Variants in AGBL4 observed in about 807,000 individuals in gnomAD.
AGBL4 encodes the protein cytosolic carboxypeptidase 6.
In AGBL4, 58 loss-of-function variants were observed where a neutral mutation model predicts 66.4. The ratio of observed to expected loss-of-function variants is 0.87; its 90% confidence interval spans 0.71 to 1.09. The LOEUF (loss-of-function observed/expected upper bound fraction) is 1.09. Among genes scored for constraint, AGBL4 ranks in the 50% least tolerant of loss-of-function variants. The pLI is 0.00. For missense variants in AGBL4, 579 were observed against 631.0 expected (o/e 0.92, Z 0.88); for synonymous variants, 234 against 222.9 (o/e 1.05, Z -0.44).
intron 4 of AGBL4, among the ~76,000 whole-genome samples, chr1:49,096,561 C>A (rs1645107350): frequency 6.6e-6 from 1 of 151,372 alleles, no homozygotes; most frequent in African/African-American, 2.4e-5. Context: ...AAGCTGGAAA[C>A]CATCATTCTC....
chr1:48,707,582 A>T (rs527560967), intron 6 of AGBL4, among the ~76,000 whole-genome samples: 13 of 152,252 alleles, frequency 8.5e-5, no homozygotes, highest in African/African-American at 2.9e-4. Flanking sequence ...GAATTATAAA[A>T]CCACCAGTGA....
At chr1:48,854,995 G>A (rs114308493) in intron 6 of AGBL4, among the ~76,000 whole-genome samples, 2,954 of 152,316 alleles carry the variant, frequency 0.019, 43 homozygotes, top group Middle Eastern at 0.054. Flanking sequence ...TCATTTACAA[G>A]AACCAATGAG....
chr1:49,977,191 G>A (rs995858873), intron 1 of AGBL4, among the ~76,000 whole-genome samples: 2 of 149,610 alleles, frequency 1.3e-5, no homozygotes, highest in Non-Finnish European at 3.0e-5. Flanking sequence ...TCTTCCATGG[G>A]CTTCACCTCC....
chr1:49,660,737 G>A (rs1400914232), intron 3 of AGBL4, among the ~76,000 whole-genome samples: 3 of 152,148 alleles, frequency 2.0e-5, no homozygotes, highest in Admixed American at 6.5e-5. Flanking sequence ...TAAAGAAAAT[G>A]TGGTGCATAT....
chr1:49,734,282 G>A (rs1649688661), intron 2 of AGBL4, among the ~76,000 whole-genome samples: 1 of 151,758 alleles, frequency 6.6e-6, no homozygotes, highest in Admixed American at 6.6e-5. Flanking sequence ...GGAGAGGGGA[G>A]AGGGGAGAGA....
At chr1:49,207,405 A>G (rs1170078708) in intron 4 of AGBL4, among the ~76,000 whole-genome samples, 1 of 152,046 alleles carries the variant, frequency 6.6e-6, no homozygotes, top group African/African-American at 2.4e-5. Context: ...CTCTGTAGAC[A>G]TACATTCACC....
chr1:49,503,794 C>T (rs1054995384), intron 3 of AGBL4, among the ~76,000 whole-genome samples: 3 of 152,148 alleles, frequency 2.0e-5, no homozygotes, highest in African/African-American at 7.2e-5. Context: ...CCTGTACCCC[C>T]ATTGTACTTA....
At chr1:49,152,739 C>A (rs74398163) in intron 4 of AGBL4, among the ~76,000 whole-genome samples, 1 of 152,166 alleles carries the variant, frequency 6.6e-6, no homozygotes, top group Non-Finnish European at 1.5e-5. Flanking sequence ...CTCTGGAGTT[C>A]TGGGAGATGA....
intron 9 of AGBL4, among the ~76,000 whole-genome samples, chr1:48,619,151 AG>A (rs1645368134): frequency 6.6e-6 from 1 of 152,158 alleles, no homozygotes; most frequent in Non-Finnish European, 1.5e-5. Flanking sequence ...TTTGACTACC[AG>A]TTGTGTGACC....
chr1:48,806,182 A>G (rs1459338979), intron 6 of AGBL4, among the ~76,000 whole-genome samples: 2 of 152,148 alleles, frequency 1.3e-5, no homozygotes, highest in African/African-American at 4.8e-5. Context: ...CATTTACTAC[A>G]TGCCTTTCTT....
chr1:49,920,929 T>C (rs1652162751), intron 1 of AGBL4, among the ~76,000 whole-genome samples: 2 of 152,276 alleles, frequency 1.3e-5, no homozygotes, highest in Non-Finnish European at 2.9e-5. Context: ...GATGAGGTCA[T>C]GTCCTTTGTA....
intron 1 of AGBL4, among the ~76,000 whole-genome samples, chr1:49,982,280 A>T (rs1659117905): frequency 6.6e-6 from 1 of 152,244 alleles, no homozygotes; most frequent in South Asian, 2.1e-4. Flanking sequence ...CAGAGCTGGC[A>T]GGAGCCAAGG....
rs147309237 is a variant in AGBL4, at chr1:49,855,675, A to G, written c.35-4157T>C. Reference sequence around the variant, plus strand: ...TACCATTGGATCAATGAAAAAAATTAAGAAGAAAAATTTAAAAATTTATTG... The same window carrying G: ...TACCATTGGATCAATGAAAAAAATTGAGAAGAAAAATTTAAAAATTTATTG... On this transcript the variant is annotated intron_variant, in intron 1 of 13. Transcript: ENST00000371839. Among the ~76,000 whole-genome samples the G allele has an allele frequency of 1.4e-3, 216 of 152,330 alleles. 1 individual carries two copies. The highest frequency in any genetic ancestry group is 4.7e-3 in the African/African-American group (196 of 41,584).
chr1:48,691,841 G>A (rs1257806400), intron 6 of AGBL4, among the ~76,000 whole-genome samples: 3 of 152,076 alleles, frequency 2.0e-5, no homozygotes, highest in Admixed American at 2.0e-4. Context: ...GAAGCCAAGG[G>A]CCAGAGGAAT....
chr1:48,789,041 T>C (rs905129311), intron 6 of AGBL4, among the ~76,000 whole-genome samples: 1 of 152,130 alleles, frequency 6.6e-6, no homozygotes, highest in Non-Finnish European at 1.5e-5. Context: ...ATAATAAACT[T>C]GGAAAGTGAT....
At chr1:48,761,156 A>G in intron 6 of AGBL4, 1 of 634,664 alleles carries the variant, frequency 1.6e-6, no homozygotes, top group Non-Finnish European at 2.6e-6. Flanking sequence ...GCTCTCTAGA[A>G]AGTTGGCCAG....
At chr1:49,500,941 C>T (rs760883688) in intron 3 of AGBL4, among the ~76,000 whole-genome samples, 4 of 151,930 alleles carry the variant, frequency 2.6e-5, no homozygotes, top group Non-Finnish European at 4.4e-5. Flanking sequence ...ATGAAAGGTG[C>T]ACTGAATTTG....
At chr1:49,685,716 C>CT (rs1646775963) in intron 3 of AGBL4, among the ~76,000 whole-genome samples, 2 of 151,958 alleles carry the variant, frequency 1.3e-5, no homozygotes, top group South Asian at 4.1e-4. Flanking sequence ...GAGAAGTGTC[C>CT]TTTCATCTTT....
intron 3 of AGBL4, among the ~76,000 whole-genome samples, chr1:49,640,598 C>T (rs746804219): frequency 8.5e-5 from 13 of 152,152 alleles, no homozygotes; most frequent in Admixed American, 6.5e-5. Context: ...ATGGAAAAGC[C>T]GTCTGCGCTA....
Sources: allele counts gnomAD v4.1 joint callset (sites outside exome capture counted in the v4.1 genomes callset), GRCh38; gene constraint gnomAD v4.1.1; transcripts MANE v1.5; gene names NCBI Gene and HGNC (gene_info 2026-07-23, HGNC 2026-07-21).